The following ATRNL1 variants were observed in gnomAD, a reference collection of about 807,000 sequenced individuals.
The protein encoded by ATRNL1 is attractin like 1.
Under a neutral mutation model 182.7 loss-of-function variants are expected in ATRNL1, and 95 were observed. That is an observed-to-expected ratio of 0.52 (90% CI 0.44 to 0.62). ATRNL1 has a LOEUF of 0.62. ATRNL1 is among the 20% of genes least tolerant of loss of function. The pLI is 0.00. For synonymous variants in ATRNL1, 576 were observed against 568.3 expected (o/e 1.01, Z -0.19); for missense variants, 1,471 against 1,679.5 (o/e 0.88, Z 2.17).
At chr10:115,393,258 A>G (rs1331708894) in intron 19 of ATRNL1, among the ~76,000 whole-genome samples, 1 of 152,256 alleles carries the variant, frequency 6.6e-6, no homozygotes, top group East Asian at 1.9e-4. Context: ...TTCTTTTGAA[A>G]ATGTTCATAT....
At chr10:115,552,252 G>A (rs1853033130) in intron 26 of ATRNL1, among the ~76,000 whole-genome samples, 1 of 151,314 alleles carries the variant, frequency 6.6e-6, no homozygotes, top group Admixed American at 6.6e-5. Context: ...AGGTAAAAAT[G>A]TGTTTATATC....
intron 19 of ATRNL1, among the ~76,000 whole-genome samples, chr10:115,335,012 G>A (rs934539372): frequency 6.6e-6 from 1 of 152,062 alleles, no homozygotes; most frequent in Non-Finnish European, 1.5e-5. Context: ...GAGATTTTAT[G>A]TAATATAGGC....
chr10:115,944,520 C>T, intron 28 of ATRNL1, 138 bp from the exon 29 acceptor site: 1 of 609,232 alleles, frequency 1.6e-6, no homozygotes, highest in Non-Finnish European at 2.6e-6. Context: ...AAAGGGCAAA[C>T]TACTTGAAAA....
At chr10:115,367,904 G>C (rs1554946585) in intron 19 of ATRNL1, among the ~76,000 whole-genome samples, 2 of 150,022 alleles carry the variant, frequency 1.3e-5, no homozygotes, top group Non-Finnish European at 3.0e-5. Context: ...CGTGCTGGGA[G>C]AACCACTGCT....
intron 14 of ATRNL1, among the ~76,000 whole-genome samples, chr10:115,285,033 T>C (rs1245460601): frequency 2.0e-5 from 3 of 152,146 alleles, no homozygotes; most frequent in Non-Finnish European, 2.9e-5. Flanking sequence ...TCTTTATTTT[T>C]TGATGCTGAG....
intron 8 of ATRNL1, among the ~76,000 whole-genome samples, chr10:115,174,626 T>A (rs1264756): frequency 0.34 from 51,742 of 151,796 alleles, 9,230 homozygotes; most frequent in African/African-American, 0.43. Flanking sequence ...TTTGTTGGTC[T>A]TACAGTCTCT....
intron 8 of ATRNL1, among the ~76,000 whole-genome samples, chr10:115,176,304 G>A (rs1847504444): frequency 6.6e-6 from 1 of 152,066 alleles, no homozygotes; most frequent in Non-Finnish European, 1.5e-5. Context: ...AAGCTCTTTA[G>A]TTTAATTAGA....
intron 28 of ATRNL1, among the ~76,000 whole-genome samples, chr10:115,860,574 A>G (rs1951292443): frequency 6.6e-6 from 1 of 152,220 alleles, no homozygotes; most frequent in Non-Finnish European, 1.5e-5. Flanking sequence ...TACTCTATTT[A>G]TGCATAATAT....
intron 24 of ATRNL1, among the ~76,000 whole-genome samples, chr10:115,476,863 T>C (rs115646834): frequency 0.019 from 2,840 of 151,584 alleles, 103 homozygotes; most frequent in African/African-American, 0.066. Context: ...ACTGGCATAT[T>C]CTTTAACTTA....
chr10:115,465,238 G>A (rs1554970551), intron 22 of ATRNL1, among the ~76,000 whole-genome samples: 1 of 151,588 alleles, frequency 6.6e-6, no homozygotes, highest in Admixed American at 6.6e-5. Context: ...TTGGATTCAA[G>A]TCTGGTTACT....
chr10:115,309,451 C>G (rs185586561), intron 17 of ATRNL1, among the ~76,000 whole-genome samples: 3 of 152,176 alleles, frequency 2.0e-5, no homozygotes, highest in African/African-American at 7.2e-5. Flanking sequence ...TGATTTCTTT[C>G]AGCAGTGTTT....
At chr10:115,187,483 G>T (rs931056905) in intron 8 of ATRNL1, among the ~76,000 whole-genome samples, 1 of 152,038 alleles carries the variant, frequency 6.6e-6, no homozygotes. Context: ...GACAACAAAT[G>T]CATGAGAACT....
intron 28 of ATRNL1, among the ~76,000 whole-genome samples, chr10:115,933,882 C>G (rs1348267685): frequency 6.6e-6 from 1 of 152,132 alleles, no homozygotes; most frequent in Non-Finnish European, 1.5e-5. Context: ...CCCTTTCTTA[C>G]TCTGTTCTTT....
At chr10:115,394,807 T>G in intron 20 of ATRNL1, 55 bp downstream of exon 20, 1 of 1,321,762 alleles carries the variant, frequency 7.6e-7, no homozygotes, top group Non-Finnish European at 1.1e-6. Flanking sequence ...GTTGTTGAAG[T>G]AATTTTTATG....
intron 27 of ATRNL1, among the ~76,000 whole-genome samples, chr10:115,844,624 C>T (rs1195844489): frequency 6.6e-6 from 1 of 152,010 alleles, no homozygotes; most frequent in Admixed American, 6.6e-5. Flanking sequence ...AAACACTAGA[C>T]TGAACAAAAG....
At chr10:115,788,018 C>G (rs1949437346) in intron 27 of ATRNL1, among the ~76,000 whole-genome samples, 2 of 152,118 alleles carry the variant, frequency 1.3e-5, no homozygotes, top group African/African-American at 4.8e-5. Flanking sequence ...TTTAAGCCAC[C>G]AAATTTGTGT....
chr10:115,483,431 A>C (rs1385609263), intron 24 of ATRNL1, among the ~76,000 whole-genome samples: 12 of 151,504 alleles, frequency 7.9e-5, no homozygotes, highest in Admixed American at 7.9e-4. Context: ...TTCATTGCTT[A>C]TATTTTATTT....
chr10:115,452,618 A>T (rs1441972974), intron 21 of ATRNL1, among the ~76,000 whole-genome samples: 1 of 152,178 alleles, frequency 6.6e-6, no homozygotes, highest in Admixed American at 6.6e-5. Flanking sequence ...ATAATTATAC[A>T]TCTATGAAAC....
At chr10:115,613,296 T>C (rs1425011247) in intron 26 of ATRNL1, among the ~76,000 whole-genome samples, 4 of 152,194 alleles carry the variant, frequency 2.6e-5, no homozygotes, top group African/African-American at 9.7e-5. Context: ...ATCGTGTTGT[T>C]TGTTCTTTAT....
Sources: gnomAD v4.1 joint callset for allele counts (sites outside exome capture counted in the v4.1 genomes callset) on GRCh38, gnomAD v4.1.1 for gene constraint, MANE v1.5 for transcripts, NCBI Gene and HGNC (gene_info 2026-07-23, HGNC 2026-07-21) for gene names.